CYB5R3: variants seen among roughly 807,000 people sequenced by gnomAD.
CYB5R3 encodes the protein cytochrome b5 reductase 3.
CYB5R3 carries 28 observed loss-of-function variants against 36.5 expected under a neutral mutation model. The observed-to-expected ratio is 0.77, with a 90% CI of 0.57 to 1.05. The LOEUF (loss-of-function observed/expected upper bound fraction) is 1.05, where lower values mean the gene tolerates loss of function less well. CYB5R3 is among the 50% of genes least tolerant of loss of function. CYB5R3 has a pLI of 0.00. For synonymous variants in CYB5R3, 181 were observed against 159.8 expected, an observed-to-expected ratio of 1.13 and a Z score of -1.00; for missense variants, 474 against 408.9, an observed-to-expected ratio of 1.16 and a Z score of -1.37.
At chr22:42,629,575 G>A (rs1192303190) in intron 4 of CYB5R3, among the ~76,000 whole-genome samples, 1 of 152,210 alleles carries the variant, frequency 6.6e-6, no homozygotes, top group Non-Finnish European at 1.5e-5. Flanking sequence ...CCCCAGCAAG[G>A]AAGGAGCCCG....
Position 42,619,740 on chromosome 22 carries a change from C to CG in CYB5R3, c.*32dup. 6.5e-7 allele frequency: 1 copy of CG among 1,540,512 alleles called. No individual in the cohort carries two copies. The highest frequency in any genetic ancestry group is 8.7e-7 in the Non-Finnish European group (1 of 1,145,946). On this transcript the variant is annotated 3_prime_UTR_variant, in exon 9 of 9. Coordinates refer to ENST00000352397, the MANE Select transcript of CYB5R3 (RefSeq NM_000398.7). ...GAGCGTGAACAGGGCGTGGGGTGCG[C>CG]GGGGCGGGTGGCCGTGTGACCGTGC...
intron 2 of CYB5R3, 148 bp downstream of exon 2, chr22:42,636,567 C>G (rs1928902156): frequency 7.6e-7 from 1 of 1,307,522 alleles, no homozygotes; most frequent in African/African-American, 1.5e-5. Flanking sequence ...TCCTGGTGGC[C>G]TTAGCAAGAG....
In CYB5R3 at chr22:42,636,724, G is replaced by T. The variant is rs148403902; in HGVS notation, c.144C>A (p.Ile48=). Reference sequence around the variant, plus strand: ...GGCGGCCGGCACTCACCTCCCGGTCGATGAGCCGCAGCGGGTACTTGATGT... The same window carrying T: ...GGCGGCCGGCACTCACCTCCCGGTCTATGAGCCGCAGCGGGTACTTGATGT... ...SPDIKYPLRL[I]DREIISHDTR... is the part of the protein sequence containing the mutation. Residue 48 remains isoleucine (I), a synonymous_variant, in exon 2 of 9, where the codon ATC becomes ATA. Coordinates refer to ENST00000352397, the MANE Select transcript of CYB5R3 (RefSeq NM_000398.7). The T allele has an allele frequency of 1.9e-6, 3 of 1,612,238 alleles. No individual in the cohort carries two copies. The African/African-American group carries it at 4.0e-5, about 21-fold the overall frequency.
At chr22:42,622,125 T>A (rs1448376489) in intron 8 of CYB5R3, among the ~76,000 whole-genome samples, 1 of 152,198 alleles carries the variant, frequency 6.6e-6, no homozygotes, top group Non-Finnish European at 1.5e-5. Flanking sequence ...TTTCACCATG[T>A]TGGCCAGGAT....
In CYB5R3 at chr22:42,644,303, G is replaced by A. The variant is rs189960714; in HGVS notation, c.21+4992C>T. 183 of 676,982 alleles carry A rather than the reference G, an allele frequency of 2.7e-4. 1 individual carries two copies. The highest frequency in any genetic ancestry group is 3.0e-4 in the Non-Finnish European group (110 of 367,964). 41.9% of individuals were successfully genotyped at this position (676,982 alleles called of 1,614,324 possible). ...CAGCCCCGGGGGTCCGAACCAACAG[G>A]CGGCTCCACCCCTCCTCAAATACCC... On this transcript the variant is annotated intron_variant, in intron 1 of 8. Coordinates refer to ENST00000352397, the MANE Select transcript of CYB5R3 (RefSeq NM_000398.7).
intron 4 of CYB5R3, among the ~76,000 whole-genome samples, chr22:42,630,066 G>A (rs1023984090): frequency 6.6e-6 from 1 of 152,098 alleles, no homozygotes; most frequent in East Asian, 1.9e-4. Context: ...TCCCAAAGTG[G>A]CTTACAGGTG....
intron 7 of CYB5R3, 99 bp from the exon 8 acceptor site, chr22:42,623,987 G>T (rs1601929955): frequency 1.9e-5 from 20 of 1,039,258 alleles, no homozygotes; most frequent in Middle Eastern, 2.3e-4. Context: ...CCGCCTGCGG[G>T]CCACACGCTT....
chr22:42,631,262 C>T lies in CYB5R3; in HGVS notation c.226+116G>A, dbSNP rs1323152403. ...CTCAAAGGCCCAGGGCAGCTGTCAC[C>T]TCCTCCTGAAGGCTTCCCTGCTCTC... On this transcript the variant is annotated intron_variant, in intron 3 of 8. Transcript: ENST00000352397. 11 of 1,106,346 alleles carry T rather than the reference C, an allele frequency of 9.9e-6. No individual in the cohort carries two copies. The Admixed American group carries it at 2.2e-4, about 22-fold the overall frequency. The allele number at this position is 1,106,346 out of a possible 1,614,324, so 68.5% of individuals were successfully genotyped here.
At chr22:42,646,755 G>C in intron 1 of CYB5R3, 1 of 986,350 alleles carries the variant, frequency 1.0e-6, no homozygotes, top group Non-Finnish European at 1.2e-6. Context: ...GCAGTGGGGG[G>C]CTCTGGCTTG....
At chr22:42,644,745 T>C (rs934698282) in intron 1 of CYB5R3, 78 of 710,808 alleles carry the variant, frequency 1.1e-4, no homozygotes, top group South Asian at 1.9e-4. Flanking sequence ...ATCACCATTG[T>C]TGGGGGCCCT....
rs1254752650 is a variant in CYB5R3, at chr22:42,619,264, C to T, written c.*509G>A. On this transcript the variant is annotated 3_prime_UTR_variant, in exon 9 of 9. Coordinates refer to ENST00000352397, the MANE Select transcript of CYB5R3 (RefSeq NM_000398.7). ...GCCCTGGGGTAGGGAGCAGTGCCCC[C>T]AAGAGGGCTTTCTGGTGTCAATGTC... 1 of 162,822 alleles carries T rather than the reference C, an allele frequency of 6.1e-6. No individual in the cohort carries two copies. The highest frequency in any genetic ancestry group is 1.4e-5 in the Non-Finnish European group (1 of 73,598). 10.1% of individuals were successfully genotyped at this position (162,822 alleles called of 1,614,324 possible).
chr22:42,636,934 C>A (rs535555433), intron 1 of CYB5R3, 88 bp from the exon 2 acceptor site: 1 of 1,538,740 alleles, frequency 6.5e-7, no homozygotes, highest in Non-Finnish European at 8.8e-7. Flanking sequence ...CCTCTGCTCA[C>A]GCTGCCCCCT....
intron 3 of CYB5R3, 60 bp downstream of exon 3, chr22:42,631,318 T>C: frequency 6.8e-7 from 1 of 1,475,180 alleles, no homozygotes; most frequent in Non-Finnish European, 9.3e-7. Context: ...TCCATCTCTC[T>C]GATCTAGTGC....
At chr22:42,639,874 CTTATT>C in intron 1 of CYB5R3, 1 of 1,291,252 alleles carries the variant, frequency 7.7e-7, no homozygotes, top group Non-Finnish European at 1.0e-6. Flanking sequence ...TCTGACAAAT[CTTATT>C]TTATTCAGAT....
intron 1 of CYB5R3, chr22:42,640,174 G>T (rs559514039): frequency 6.2e-7 from 1 of 1,612,616 alleles, no homozygotes; most frequent in East Asian, 2.2e-5. Flanking sequence ...CTCAACCGTG[G>T]TGTAGTACCA....
chr22:42,646,093 G>A (rs995812823), intron 1 of CYB5R3, among the ~76,000 whole-genome samples: 21 of 152,128 alleles, frequency 1.4e-4, no homozygotes, highest in Non-Finnish European at 1.5e-4. Flanking sequence ...GCTCTGCCCC[G>A]TCCTCGTCCA....
In CYB5R3 at chr22:42,636,781, G is replaced by A; in HGVS notation, c.87C>T (p.Arg29=). Residue 29 remains arginine, a synonymous_variant, in exon 2 of 9, where the codon CGC becomes CGT. Transcript: ENST00000352397. ...LYSLLMKLFQ[R]STPAITLESP... is the part of the protein sequence containing the mutation. ...TCTCGAGGGTGATGGCTGGCGTGGA[G>A]CGCTGGAACAGCTTCATGAGCAGAC... The A allele has an allele frequency of 2.5e-6, 4 of 1,613,954 alleles. No individual in the cohort carries two copies. In the South Asian group the frequency reaches 4.4e-5, roughly 18 times the overall value.
At chr22:42,636,906 CT>C in intron 1 of CYB5R3, 60 bp from the exon 2 acceptor site, 2 of 1,586,994 alleles carry the variant, frequency 1.3e-6, no homozygotes, top group Non-Finnish European at 8.5e-7. Flanking sequence ...AACACACCGG[CT>C]TGTCCACACT....
intron 2 of CYB5R3, among the ~76,000 whole-genome samples, chr22:42,635,945 C>T (rs116260740): frequency 0.012 from 1,849 of 152,280 alleles, 31 homozygotes; most frequent in African/African-American, 0.042. Context: ...CCGGGCACCA[C>T]GGCTCATGCC....
Sources: gnomAD v4.1 joint callset for allele counts (sites outside exome capture counted in the v4.1 genomes callset) on GRCh38, gnomAD v4.1.1 for gene constraint, MANE v1.5 for transcripts, NCBI Gene and HGNC (gene_info 2026-07-23, HGNC 2026-07-21) for gene names.